Variants in CAMSAP1 observed in about 807,000 individuals in gnomAD.
CAMSAP1 encodes calmodulin-regulated spectrin-associated protein 1.
A neutral mutation model predicts 143.5 loss-of-function variants in CAMSAP1; 58 were observed. That is an observed-to-expected ratio of 0.40 (90% CI 0.33 to 0.50). The LOEUF (loss-of-function observed/expected upper bound fraction) is 0.50. CAMSAP1 is among the 20% of genes least tolerant of loss of function. The pLI is 0.45. For synonymous variants in CAMSAP1, 945 were observed against 859.3 expected (o/e 1.10, Z -1.74); for missense variants, 1,969 against 2,115.7 (o/e 0.93, Z 1.36).
rs7838 is a variant in CAMSAP1, at chr9:135,809,677, C to T, written c.*1632G>A. The T allele has an allele frequency of 0.14, 21,336 of 152,614 alleles. 1,672 individuals carry two copies. Among genetic ancestry groups the T allele is most frequent in the Non-Finnish European group, 0.17 (11,686 of 67,996 alleles). 9.5% of individuals were successfully genotyped at this position (152,614 alleles called of 1,614,324 possible). On this transcript the variant is annotated 3_prime_UTR_variant, in exon 17 of 17. Coordinates refer to ENST00000389532, the MANE Select transcript of CAMSAP1 (RefSeq NM_015447.4). ...AACATACAGTGAGAAATAAAGCCCA[C>T]GTGTGAAAGTATGGTAACAGAAAGC...
At position 135,824,726 on chromosome 9, in the gene CAMSAP1, T is replaced by C; in HGVS notation, c.1315+63A>G. ...GATAAAATGATTTAATTTTGAGAAA[T>C]ATGATTTTACTAATCTATAGTAAGG... On this transcript the variant is annotated intron_variant, in intron 9 of 16. Coordinates refer to ENST00000389532, the MANE Select transcript of CAMSAP1 (RefSeq NM_015447.4). The surrounding 1 kb of genome is among the most constrained non-coding windows in gnomAD (Gnocchi z 4.1). The C allele has an allele frequency of 1.7e-6, 2 of 1,151,056 alleles. No individual in the cohort carries two copies. The highest frequency in any genetic ancestry group is 2.4e-6 in the Non-Finnish European group (2 of 820,372). The allele number at this position is 1,151,056 out of a possible 1,614,324, so 71.3% of individuals were successfully genotyped here.
chr9:135,856,333 CATCA>C (rs1457796531), intron 5 of CAMSAP1, among the ~76,000 whole-genome samples: 1 of 152,146 alleles, frequency 6.6e-6, no homozygotes, highest in Non-Finnish European at 1.5e-5. Context: ...CTTATTAAAC[CATCA>C]GATCTCATGA....
rs1354254901 is a variant in CAMSAP1 at position 135,881,692 on chromosome 9, T to C, written c.526A>G (p.Ser176Gly). 6.4e-7 allele frequency: 1 copy of C among 1,551,700 alleles called. No homozygotes were observed. The highest frequency in any genetic ancestry group is 8.7e-7 in the Non-Finnish European group (1 of 1,147,024). ...VASVKRFSTF[S>G]ASKELPYDLE... ...TCGTACGGAAGTTCTTTCGAGGCAC[T>C]GAACGTTGAGAAGCGCTTGACACTG... is the stretch of plus-strand genomic sequence containing the variant. Residue 176 changes from serine to glycine, a missense_variant, in exon 3 of 17, where the codon AGT (serine) becomes GGT (glycine). Coordinates refer to ENST00000389532, the MANE Select transcript of CAMSAP1 (RefSeq NM_015447.4).
chr9:135,842,824 G>A (rs1836406365), intron 7 of CAMSAP1, among the ~76,000 whole-genome samples: 1 of 152,104 alleles, frequency 6.6e-6, no homozygotes, highest in Non-Finnish European at 1.5e-5. Context: ...CCTTACAAGA[G>A]CTCCTGAAGG....
chr9:135,812,789 T>C (rs545733308), intron 16 of CAMSAP1, among the ~76,000 whole-genome samples: 1 of 152,208 alleles, frequency 6.6e-6, no homozygotes, highest in Admixed American at 6.5e-5. Context: ...GCCAATATGG[T>C]GAAACCCCAT....
intron 7 of CAMSAP1, among the ~76,000 whole-genome samples, chr9:135,833,113 G>C (rs1296105324): frequency 7.7e-6 from 1 of 129,984 alleles, no homozygotes; most frequent in Non-Finnish European, 1.5e-5. Context: ...ACGGAGTCTC[G>C]CTCTGTCGCC....
chr9:135,815,292 CT>C, intron 15 of CAMSAP1, 77 bp from the exon 16 acceptor site: 1 of 901,170 alleles, frequency 1.1e-6, no homozygotes. Context: ...CCAGCAATGT[CT>C]TAGAAGCAAG....
chr9:135,874,488 G>T (rs553988469), intron 3 of CAMSAP1, among the ~76,000 whole-genome samples: 1 of 147,154 alleles, frequency 6.8e-6, no homozygotes, highest in African/African-American at 2.5e-5. Context: ...AGGGGGGGGG[G>T]GGCCACAGGG....
chr9:135,866,120 G>C (rs184144952), intron 4 of CAMSAP1, among the ~76,000 whole-genome samples: 1 of 152,328 alleles, frequency 6.6e-6, no homozygotes. Context: ...GGCATCTTTA[G>C]CAACAGGCAA....
In CAMSAP1 at chr9:135,811,191, C is replaced by T. The variant is rs1293243786; in HGVS notation, c.*118G>A. On this transcript the variant is annotated 3_prime_UTR_variant, in exon 17 of 17. Coordinates refer to ENST00000389532, the MANE Select transcript of CAMSAP1 (RefSeq NM_015447.4). The surrounding 1 kb of genome is among the most constrained non-coding windows in gnomAD (Gnocchi z 4.9). ...TGCAAAAGGTCTGTGACTTTGCACA[C>T]TTCGTACCCAAATAGATGAAAACAA... 2 of 1,228,450 alleles carry T rather than the reference C, an allele frequency of 1.6e-6. No homozygotes were observed. Among genetic ancestry groups the T allele is most frequent in the Non-Finnish European group, 2.2e-6 (2 of 891,390 alleles). The allele number at this position is 1,228,450 out of a possible 1,614,324, so 76.1% of individuals were successfully genotyped here. A position where few individuals can be genotyped will look rare whatever the true frequency, so the allele number is the denominator to read the frequency against.
intron 1 of CAMSAP1, among the ~76,000 whole-genome samples, chr9:135,903,366 AAG>A (rs2131034035): frequency 6.6e-6 from 1 of 152,334 alleles, no homozygotes; most frequent in Admixed American, 6.5e-5. Flanking sequence ...TCAATGAAAC[AAG>A]AGAGTTACCA....
intron 3 of CAMSAP1, among the ~76,000 whole-genome samples, chr9:135,870,428 T>A (rs1433100339): frequency 6.6e-6 from 1 of 152,186 alleles, no homozygotes; most frequent in East Asian, 1.9e-4. Context: ...TCTTTATAAA[T>A]TACCCAGTCT....
At chr9:135,905,045 G>A (rs1838734234) in intron 1 of CAMSAP1, among the ~76,000 whole-genome samples, 1 of 152,046 alleles carries the variant, frequency 6.6e-6, no homozygotes, top group Admixed American at 6.5e-5. Flanking sequence ...ACCAGTAAGG[G>A]GCACTCCAGT....
Position 135,821,589 on chromosome 9 carries a change from G to C in CAMSAP1, c.3072C>G (p.Ile1024Met). 6.2e-7 allele frequency: 1 copy of C among 1,613,984 alleles called. No homozygotes were observed. Among genetic ancestry groups the C allele is most frequent in the Non-Finnish European group, 8.5e-7 (1 of 1,179,886 alleles). The stretch of plus-strand genomic sequence containing the variant: ...TACTGATGGTTTCGTTAAGCTTCTC[G>C]ATGGAAAGGTCACATTCATTCACGT... ...VVDVNECDLS[I>M]EKLNETISTL... The change falls in exon 11 of 17, where the codon ATC becomes ATG. Residue 1024 changes from isoleucine (I) to methionine (M), a missense_variant. Around this residue, in one of 4 missense-constraint regions of CAMSAP1, gnomAD observed 1,390 missense variants for 1,420.8 expected, o/e 0.98. Transcript: ENST00000389532. This position sits in a 1 kb window ranked among gnomAD's most constrained non-coding sequence, Gnocchi z 4.6.
In CAMSAP1 at chr9:135,816,015, G is replaced by C; in HGVS notation, c.4272-10C>G. ...TTCCATCGATTCCACTCTGCAGGCA[G>C]AAACAGACAAGAGACAGGCAGGTGA... is the stretch of plus-strand genomic sequence containing the variant. On this transcript the variant is annotated splice_polypyrimidine_tract_variant and intron_variant, in intron 14 of 16. Transcript: ENST00000389532. 1.2e-6 allele frequency: 2 copies of C among 1,612,362 alleles called. No individual in the cohort carries two copies. The highest frequency in any genetic ancestry group is 1.7e-6 in the Non-Finnish European group (2 of 1,179,222).
chr9:135,815,119 G>T lies in CAMSAP1; in HGVS notation c.4484C>A (p.Pro1495His), dbSNP rs373578300. 2 of 1,612,770 alleles carry T rather than the reference G, an allele frequency of 1.2e-6. No homozygotes were observed. The highest frequency in any genetic ancestry group is 8.5e-7 in the Non-Finnish European group (1 of 1,179,036). The change falls in exon 16 of 17, where the codon CCC becomes CAC. Residue 1495 changes from proline to histidine, a missense_variant. Pro to His is a moderately conservative substitution (Grantham distance 77, BLOSUM62 -2). This residue lies in a region of CAMSAP1 where 143 missense variants were observed against 200.6 expected (regional missense o/e 0.71). Transcript: ENST00000389532. The part of the protein sequence containing the change: ...HCCLAGKVNE[P>H]HKNSILEELE... ...TGCCTCCAATATGGAATTCTTGTGGGGTTCGTTCACTTTTCCAGCCAGGCA... is the reference window on the plus strand; with the variant it reads ...TGCCTCCAATATGGAATTCTTGTGGTGTTCGTTCACTTTTCCAGCCAGGCA...
chr9:135,888,266 C>A (rs548213228), intron 1 of CAMSAP1, among the ~76,000 whole-genome samples: 8 of 152,234 alleles, frequency 5.3e-5, no homozygotes, highest in Non-Finnish European at 1.2e-4. Flanking sequence ...TTCCTTCCGT[C>A]GCTATTACTG....
At position 135,827,419 on chromosome 9, in the gene CAMSAP1, T is replaced by C. The variant is rs761109245; in HGVS notation, c.1211A>G (p.Glu404Gly). The C allele has an allele frequency of 1.3e-6, 2 of 1,565,320 alleles. No individual in the cohort carries two copies. Among genetic ancestry groups the C allele is most frequent in the South Asian group, 2.3e-5 (2 of 87,282 alleles). Residue 404 changes from glutamate (E) to glycine (G), a missense_variant, in exon 8 of 17, where the codon GAA becomes GGA. Physicochemically the swap from Glu to Gly is moderately conservative, Grantham distance 98. Coordinates refer to ENST00000389532, the MANE Select transcript of CAMSAP1 (RefSeq NM_015447.4). Reference protein sequence around the residue: ...GCHRHYLHPEEPEYLGKGTAA... With the variant: ...GCHRHYLHPEGPEYLGKGTAA... ...AAGACAGACTTACAGGTATTCAGGT[T>C]CTTCCGGGTGCAGGTAGTGCCTGTG...
intron 7 of CAMSAP1, among the ~76,000 whole-genome samples, chr9:135,840,416 G>C (rs999323976): frequency 5.9e-5 from 9 of 152,204 alleles, no homozygotes; most frequent in Non-Finnish European, 1.2e-4. Context: ...AGCCCCGCAA[G>C]AAGAAGGGGG....
Sources: allele counts gnomAD v4.1 joint callset (sites outside exome capture counted in the v4.1 genomes callset), GRCh38; gene constraint gnomAD v4.1.1; regional missense constraint gnomAD v4.1.1; non-coding constraint Gnocchi (gnomAD v3.1); transcripts MANE v1.5; gene names NCBI Gene and HGNC (gene_info 2026-07-23, HGNC 2026-07-21).